NOL4: variants seen among roughly 807,000 people sequenced by gnomAD.
NOL4 encodes the protein nucleolar protein 4, also known as cancer/testis antigen 125.
Under a neutral mutation model 75.9 loss-of-function variants are expected in NOL4, and 17 were observed. The ratio of observed to expected loss-of-function variants is 0.22; its 90% CI spans 0.15 to 0.34. The LOEUF (loss-of-function observed/expected upper bound fraction) is 0.34, where lower values mean the gene tolerates loss of function less well. Ranked by LOEUF, NOL4 falls within the 10% of genes least tolerant of loss-of-function variation. The probability of loss-of-function intolerance (pLI) is 1.00; values close to 1 mark genes in which losing one functional copy is unlikely to be tolerated. For synonymous variants in NOL4, 292 were observed against 289.9 expected (o/e 1.01, Z -0.07); for missense variants, 614 against 793.5 (o/e 0.77, Z 2.72).
chr18:33,884,438 A>T (rs918740540), intron 9 of NOL4, among the ~76,000 whole-genome samples: 6 of 152,054 alleles, frequency 3.9e-5, no homozygotes, highest in Non-Finnish European at 8.8e-5. Flanking sequence ...TGTTTAAAAA[A>T]TTTTCTTCAA....
chr18:33,870,042 TA>T (rs1268604031), intron 10 of NOL4, among the ~76,000 whole-genome samples: 1 of 152,240 alleles, frequency 6.6e-6, no homozygotes, highest in East Asian at 1.9e-4. Flanking sequence ...TATTCAAATT[TA>T]TTTTTTAAAT....
intron 6 of NOL4, among the ~76,000 whole-genome samples, chr18:33,971,228 C>T (rs1190143230): frequency 1.3e-5 from 2 of 152,170 alleles, no homozygotes; most frequent in African/African-American, 2.4e-5. Flanking sequence ...TCTGTAATCC[C>T]AAACACCTGT....
At chr18:34,106,699 T>C (rs2079299477) in intron 2 of NOL4, among the ~76,000 whole-genome samples, 1 of 151,662 alleles carries the variant, frequency 6.6e-6, no homozygotes, top group South Asian at 2.1e-4. Context: ...ATTTTCTCTC[T>C]CTTTCCCTAT....
intron 1 of NOL4, among the ~76,000 whole-genome samples, chr18:34,211,341 T>C (rs1600891099): frequency 1.3e-5 from 2 of 152,260 alleles, no homozygotes; most frequent in South Asian, 4.1e-4. Flanking sequence ...TAAACAACAA[T>C]GACCATGTAA....
At chr18:33,945,786 T>C (rs2068794724) in intron 8 of NOL4, among the ~76,000 whole-genome samples, 1 of 151,798 alleles carries the variant, frequency 6.6e-6, no homozygotes, top group Admixed American at 6.6e-5. Flanking sequence ...GAAAATAGAT[T>C]TGTACTGAGT....
At chr18:34,032,998 A>G (rs527476205) in intron 5 of NOL4, among the ~76,000 whole-genome samples, 1 of 152,330 alleles carries the variant, frequency 6.6e-6, no homozygotes, top group South Asian at 2.1e-4. Context: ...GCACACATCT[A>G]AAATCAAAGC....
At chr18:34,042,691 T>C (rs1296631866) in intron 5 of NOL4, among the ~76,000 whole-genome samples, 1 of 152,082 alleles carries the variant, frequency 6.6e-6, no homozygotes, top group Non-Finnish European at 1.5e-5. Context: ...ATTAGTTATT[T>C]CCTTTAATTC....
In NOL4 at chr18:34,136,924, G is replaced by A. The variant is rs190389946; in HGVS notation, c.265-6904C>T. ...TAATTTCAAAGCTTACTACACTAAA[G>A]TCTTTATTAGATAGTGTGGTATTGG... On this transcript the variant is annotated intron_variant, in intron 1 of 10. Transcript: ENST00000261592. Among the ~76,000 whole-genome samples the A allele has an allele frequency of 9.1e-4, 139 of 152,120 alleles. 1 individual carries two copies. Among genetic ancestry groups the A allele is most frequent in the Non-Finnish European group, 7.4e-5 (5 of 67,964 alleles).
intron 1 of NOL4, among the ~76,000 whole-genome samples, chr18:34,184,775 C>T (rs1454706948): frequency 1.3e-5 from 2 of 152,118 alleles, no homozygotes; most frequent in African/African-American, 4.8e-5. Flanking sequence ...AGGAAGGGCA[C>T]TTCCAGCTGA....
chr18:34,196,982 A>G (rs1452668354), intron 1 of NOL4, among the ~76,000 whole-genome samples: 1 of 152,076 alleles, frequency 6.6e-6, no homozygotes, highest in East Asian at 1.9e-4. Flanking sequence ...CAATAGGTAT[A>G]GTGAAGGTTT....
chr18:34,083,934 G>A (rs1300833136), intron 5 of NOL4, among the ~76,000 whole-genome samples: 3 of 152,262 alleles, frequency 2.0e-5, no homozygotes, highest in East Asian at 1.9e-4. Flanking sequence ...GGGCTACTGC[G>A]GTTTGTTGGG....
intron 6 of NOL4, among the ~76,000 whole-genome samples, chr18:33,975,419 C>A (rs768911352): frequency 1.3e-5 from 2 of 152,154 alleles, no homozygotes; most frequent in Admixed American, 6.5e-5. Flanking sequence ...TTTTCCTTTA[C>A]TCTGATCTAC....
intron 9 of NOL4, among the ~76,000 whole-genome samples, chr18:33,907,267 G>A (rs1262074614): frequency 6.9e-6 from 1 of 144,416 alleles, no homozygotes; most frequent in African/African-American, 2.6e-5. Context: ...AGCTTGCAGT[G>A]AGCTGAGATC....
At chr18:34,142,984 T>G (rs977704824) in intron 1 of NOL4, among the ~76,000 whole-genome samples, 10 of 151,514 alleles carry the variant, frequency 6.6e-5, no homozygotes, top group Admixed American at 5.9e-4. Flanking sequence ...GAGTTCTAGC[T>G]CAATAAAGCT....
chr18:33,916,403 C>T (rs996789723), intron 9 of NOL4, among the ~76,000 whole-genome samples: 7 of 152,036 alleles, frequency 4.6e-5, no homozygotes, highest in South Asian at 4.1e-4. Flanking sequence ...TAGGGACCGG[C>T]GGCTCATCAG....
chr18:34,091,264 G>C (rs991946742), intron 5 of NOL4, among the ~76,000 whole-genome samples: 7 of 151,954 alleles, frequency 4.6e-5, no homozygotes. Context: ...TCAGGAGGCT[G>C]AGGCAGGAGA....
chr18:34,099,074 ATAT>A (rs2078920152), intron 4 of NOL4, among the ~76,000 whole-genome samples: 1 of 152,010 alleles, frequency 6.6e-6, no homozygotes, highest in Admixed American at 6.6e-5. Flanking sequence ...CTGTTTAAAA[ATAT>A]TATTTCAGGC....
intron 1 of NOL4, among the ~76,000 whole-genome samples, chr18:34,160,782 A>G (rs1022641639): frequency 5.3e-5 from 8 of 152,134 alleles, no homozygotes; most frequent in Admixed American, 5.2e-4. Flanking sequence ...GTAATGAGCA[A>G]ATTCATCACC....
intron 5 of NOL4, among the ~76,000 whole-genome samples, chr18:34,022,039 G>A (rs1429725330): frequency 1.3e-5 from 2 of 151,832 alleles, no homozygotes; most frequent in African/African-American, 2.4e-5. Flanking sequence ...GGGAGGCAGA[G>A]GTTGCAGTGA....
Sources: gnomAD v4.1 joint callset for allele counts (sites outside exome capture counted in the v4.1 genomes callset) on GRCh38, gnomAD v4.1.1 for gene constraint, MANE v1.5 for transcripts, NCBI Gene and HGNC (gene_info 2026-07-23, HGNC 2026-07-21) for gene names.